SEMA6D: variants seen among roughly 807,000 people sequenced by gnomAD.
The protein encoded by SEMA6D is semaphorin-6D.
SEMA6D carries 35 observed loss-of-function variants against 106.6 expected under a neutral mutation model. The ratio of observed to expected loss-of-function variants is 0.33; its 90% confidence interval spans 0.25 to 0.44. The LOEUF (loss-of-function observed/expected upper bound fraction) is 0.44, where lower values mean the gene tolerates loss of function less well. SEMA6D is among the 20% of genes least tolerant of loss of function. The pLI is 1.00. For missense variants in SEMA6D, 1,185 were observed against 1,345.9 expected, an observed-to-expected ratio of 0.88 and a Z score of 1.87; for synonymous variants, 499 against 487.7, an observed-to-expected ratio of 1.02 and a Z score of -0.31.
At chr15:47,222,231 A>G (rs2031273052) in intron 1 of SEMA6D, among the ~76,000 whole-genome samples, 1 of 152,224 alleles carries the variant, frequency 6.6e-6, no homozygotes. Context: ...CATCCTACAG[A>G]AATGACCCAT....
rs1175243516 is a variant in SEMA6D, at chr15:47,772,647, T to G, written c.*862T>G. On this transcript the variant is annotated 3_prime_UTR_variant, in exon 19 of 19. Transcript: ENST00000536845. ...ATTCATTAAAACTTGTATTCCAGTCTTGCCAGCTTAAGGAGATCAAGATAT... is the reference window on the plus strand; with the variant it reads ...ATTCATTAAAACTTGTATTCCAGTCGTGCCAGCTTAAGGAGATCAAGATAT... The G allele has an allele frequency of 6.6e-6, 1 of 152,572 alleles. No homozygotes were observed. Among genetic ancestry groups the G allele is most frequent in the Non-Finnish European group, 1.5e-5 (1 of 68,022 alleles). The allele number at this position is 152,572 out of a possible 1,614,324, so 9.5% of individuals were successfully genotyped here.
At chr15:47,381,633 A>G (rs1388185502) in intron 1 of SEMA6D, among the ~76,000 whole-genome samples, 1 of 152,210 alleles carries the variant, frequency 6.6e-6, no homozygotes, top group Admixed American at 6.5e-5. Flanking sequence ...TTTATTATCA[A>G]TGAAAATATT....
chr15:47,424,307 T>C (rs1210982073), intron 2 of SEMA6D, among the ~76,000 whole-genome samples: 1 of 151,256 alleles, frequency 6.6e-6, no homozygotes, highest in African/African-American at 2.4e-5. Context: ...ATTGAGAATA[T>C]ATACAGAGCC....
intron 4 of SEMA6D, among the ~76,000 whole-genome samples, chr15:47,673,661 T>C (rs1355128799): frequency 6.6e-6 from 1 of 152,110 alleles, no homozygotes; most frequent in Non-Finnish European, 1.5e-5. Context: ...CCAGCCCTGC[T>C]CAGGAACTTG....
At chr15:47,584,686 TA>T (rs1188670675) in intron 3 of SEMA6D, among the ~76,000 whole-genome samples, 2 of 152,174 alleles carry the variant, frequency 1.3e-5, no homozygotes, top group Non-Finnish European at 2.9e-5. Context: ...GTACAAATAA[TA>T]AATGAATGAT....
intron 1 of SEMA6D, among the ~76,000 whole-genome samples, chr15:47,355,914 C>A (rs1056485579): frequency 6.6e-6 from 1 of 152,172 alleles, no homozygotes; most frequent in East Asian, 1.9e-4. Context: ...TCTTCCAAGT[C>A]TCTGTTTACA....
chr15:47,390,227 G>C (rs1230809514), intron 1 of SEMA6D, among the ~76,000 whole-genome samples: 3 of 152,168 alleles, frequency 2.0e-5, no homozygotes, highest in African/African-American at 7.2e-5. Flanking sequence ...CCTGCTACCA[G>C]TGGACAATCT....
Position 47,204,177 on chromosome 15 carries a change from T to C in SEMA6D, c.-239+19759T>C, listed in dbSNP as rs1235309371. On this transcript the variant is annotated intron_variant, in intron 1 of 19. Coordinates refer to the SEMA6D transcript ENST00000558014. ...CACTCTGGCTACAGTTCAATGACCA[T>C]CCTAAGCTATTCAAAAGCATTGAAG... Among the ~76,000 whole-genome samples the C allele has an allele frequency of 5.9e-5, 9 of 152,262 alleles. No homozygotes were observed. The East Asian group carries it at 1.5e-3, about 26-fold the overall frequency.
intron 3 of SEMA6D, among the ~76,000 whole-genome samples, chr15:47,495,430 G>A (rs1378005132): frequency 6.6e-6 from 1 of 151,856 alleles, no homozygotes. Flanking sequence ...GAGTAGCAGG[G>A]GTTAGCTATT....
intron 3 of SEMA6D, among the ~76,000 whole-genome samples, chr15:47,591,622 A>G (rs559663275): frequency 6.6e-6 from 1 of 152,318 alleles, no homozygotes; most frequent in South Asian, 2.1e-4. Context: ...GAGAGGGGCT[A>G]TGAGAGGATA....
At chr15:47,538,184 A>C (rs956265944) in intron 3 of SEMA6D, among the ~76,000 whole-genome samples, 1 of 152,184 alleles carries the variant, frequency 6.6e-6, no homozygotes, top group Non-Finnish European at 1.5e-5. Context: ...TAGAAGCTAC[A>C]CATTTTCTGA....
intron 1 of SEMA6D, among the ~76,000 whole-genome samples, chr15:47,194,039 A>G (rs1894157626): frequency 6.6e-6 from 1 of 151,864 alleles, no homozygotes; most frequent in Non-Finnish European, 1.5e-5. Flanking sequence ...TAGACAACTA[A>G]ATAAATATTG....
intron 2 of SEMA6D, among the ~76,000 whole-genome samples, chr15:47,467,416 C>T (rs1224202400): frequency 6.6e-6 from 1 of 152,128 alleles, no homozygotes; most frequent in Non-Finnish European, 1.5e-5. Context: ...CTAATGCTTG[C>T]TAGAAGAGGC....
In SEMA6D at chr15:47,773,280, C is replaced by T. The variant is rs2082709429; in HGVS notation, c.*1495C>T. 6.6e-6 allele frequency: 1 copy of T among 152,634 alleles called. No homozygotes were observed. Among genetic ancestry groups the T allele is most frequent in the African/African-American group, 2.4e-5 (1 of 41,460 alleles). The allele number at this position is 152,634 out of a possible 1,614,324, so 9.5% of individuals were successfully genotyped here. Reference sequence around the variant, plus strand: ...GCATTACATTCTTTGCCGTGATAAACATTCCACTCCTGCTTTCCTAAGGAT... The same window carrying T: ...GCATTACATTCTTTGCCGTGATAAATATTCCACTCCTGCTTTCCTAAGGAT... On this transcript the variant is annotated 3_prime_UTR_variant, in exon 19 of 19. Coordinates refer to ENST00000536845, the MANE Select transcript of SEMA6D (RefSeq NM_001358351.3).
At chr15:47,752,107 G>T (rs975464932) in intron 1 of SEMA6D, among the ~76,000 whole-genome samples, 2 of 152,212 alleles carry the variant, frequency 1.3e-5, no homozygotes, top group African/African-American at 4.8e-5. Context: ...ACATTTAAAA[G>T]ATTTGGGCTC....
At chr15:47,446,618 T>C (rs1010120339) in intron 2 of SEMA6D, among the ~76,000 whole-genome samples, 7 of 152,120 alleles carry the variant, frequency 4.6e-5, no homozygotes, top group African/African-American at 1.7e-4. Flanking sequence ...AGTAATTCAG[T>C]AGTAAACTTC....
At chr15:47,667,403 G>C (rs900459908) in intron 4 of SEMA6D, among the ~76,000 whole-genome samples, 4 of 152,166 alleles carry the variant, frequency 2.6e-5, no homozygotes, top group Non-Finnish European at 4.4e-5. Flanking sequence ...GCTTCCTAGA[G>C]GGCTGCCTGA....
At position 47,478,688 on chromosome 15, in the gene SEMA6D, A is replaced by G. The variant is rs2043065861; in HGVS notation, c.-87+8143A>G. Among the ~76,000 whole-genome samples, 4 of 152,208 alleles carry G rather than the reference A, an allele frequency of 2.6e-5. No homozygotes were observed. The South Asian group carries it at 8.3e-4, about 32-fold the overall frequency. On this transcript the variant is annotated intron_variant, in intron 3 of 19. Transcript: ENST00000558014. ...CAGAACTTTAGCAAGGATTGACTGCAGCAGATGGCAAGAGAATAATGAACA... is the reference window on the plus strand; with the variant it reads ...CAGAACTTTAGCAAGGATTGACTGCGGCAGATGGCAAGAGAATAATGAACA...
At chr15:47,508,524 G>A (rs1212623779) in intron 3 of SEMA6D, among the ~76,000 whole-genome samples, 1 of 152,194 alleles carries the variant, frequency 6.6e-6, no homozygotes, top group Non-Finnish European at 1.5e-5. Flanking sequence ...TCCCTGCTTA[G>A]AATAGTTTAT....
Sources: gnomAD v4.1 joint callset for allele counts (sites outside exome capture counted in the v4.1 genomes callset) on GRCh38, gnomAD v4.1.1 for gene constraint, MANE v1.5 for transcripts, NCBI Gene and HGNC (gene_info 2026-07-23, HGNC 2026-07-21) for gene names.